Variants in NCOA4 observed in about 807,000 individuals in gnomAD.
The protein encoded by NCOA4 is 70 kDa AR-activator.
Under a neutral mutation model 69.5 loss-of-function variants are expected in NCOA4, and 31 were observed. The observed-to-expected ratio is 0.45, with a 90% CI of 0.34 to 0.60. The LOEUF (loss-of-function observed/expected upper bound fraction) is 0.60, where lower values mean the gene tolerates loss of function less well. NCOA4 is among the 20% of genes least tolerant of loss of function. The probability of loss-of-function intolerance (pLI) is 0.02; values close to 1 mark genes in which losing one functional copy is unlikely to be tolerated. For synonymous variants in NCOA4, 228 were observed against 252.4 expected (o/e 0.90, Z 0.92); for missense variants, 600 against 719.2 (o/e 0.83, Z 1.90).
At chr10:46,027,280 A>AAG (rs1840213297) in intron 1 of NCOA4, among the ~76,000 whole-genome samples, 1 of 151,892 alleles carries the variant, frequency 6.6e-6, no homozygotes, top group South Asian at 2.1e-4. Context: ...AAAAAAAAAA[A>AAG]AAAAAAAAGA....
At position 46,014,436 on chromosome 10, in the gene NCOA4, T is replaced by C; in HGVS notation, c.480+8A>G. 1 of 1,582,264 alleles carries C rather than the reference T, an allele frequency of 6.3e-7. No individual in the cohort carries two copies. Among genetic ancestry groups the C allele is most frequent in the Non-Finnish European group, 8.7e-7 (1 of 1,152,388 alleles). On this transcript the variant is annotated splice_region_variant and intron_variant, in intron 5 of 9. Transcript: ENST00000581486. ...GAAGTGCCCAGTGAAGCATATGAGA[T>C]TACTCACAATGGTTTTGAGAGACCC...
intron 5 of NCOA4, among the ~76,000 whole-genome samples, chr10:46,014,192 T>C (rs1357488414): frequency 6.6e-6 from 1 of 152,140 alleles, no homozygotes; most frequent in Non-Finnish European, 1.5e-5. Flanking sequence ...TTTTTTTGTA[T>C]TTTTAATAGA....
intron 9 of NCOA4, among the ~76,000 whole-genome samples, chr10:46,008,316 T>C (rs1197913203): frequency 6.6e-6 from 1 of 152,340 alleles, no homozygotes; most frequent in African/African-American, 2.4e-5. Context: ...TTCACCATTC[T>C]GGGTGCCACT....
intron 1 of NCOA4, among the ~76,000 whole-genome samples, chr10:46,023,797 CCCTA>C (rs1840026853): frequency 6.6e-6 from 1 of 152,216 alleles, no homozygotes; most frequent in Non-Finnish European, 1.5e-5. Flanking sequence ...GGCAATATAG[CCCTA>C]CCTACCTGTG....
At chr10:46,020,585 A>G (rs991224983) in intron 1 of NCOA4, among the ~76,000 whole-genome samples, 4 of 152,216 alleles carry the variant, frequency 2.6e-5, no homozygotes, top group Admixed American at 6.5e-5. Context: ...TATGTGAGGA[A>G]TATAGACTCA....
Position 46,006,089 on chromosome 10 carries a change from AT to A in NCOA4, c.*502del. On this transcript the variant is annotated 3_prime_UTR_variant, in exon 10 of 10. Transcript: ENST00000581486. ...TTGGTAATCACTATTGACCAGGTTA[AT>A]TTTTTTGTGCAAAATACACTATGTA... 1.4e-5 allele frequency: 3 copies of A among 213,158 alleles called. No individual in the cohort carries two copies. The highest frequency in any genetic ancestry group is 2.8e-5 in the Non-Finnish European group (3 of 105,516). 13.2% of individuals were successfully genotyped at this position (213,158 alleles called of 1,614,324 possible). A position where few individuals can be genotyped will look rare whatever the true frequency, so the allele number is the denominator to read the frequency against.
rs78149703 is a variant in NCOA4 at position 46,029,895 on chromosome 10, G to A, written c.-15+631C>T. 2.8e-3 allele frequency among the ~76,000 whole-genome samples: 420 copies of A among 152,246 alleles called. 2 individuals carry two copies. Among genetic ancestry groups the A allele is most frequent in the African/African-American group, 9.7e-3 (401 of 41,528 alleles). On this transcript the variant is annotated intron_variant, in intron 1 of 9. Coordinates refer to ENST00000581486, the MANE Select transcript of NCOA4 (RefSeq NM_001145263.2). Reference sequence around the variant, plus strand: ...CCAAATAAATGATTGCTGGTGGAATGAACCAATGAATGAGCAAGCCTTACT... The same window carrying A: ...CCAAATAAATGATTGCTGGTGGAATAAACCAATGAATGAGCAAGCCTTACT...
Position 46,010,210 on chromosome 10 carries a change from T to C in NCOA4, c.1698+13A>G. On this transcript the variant is annotated intron_variant, in intron 8 of 9. Coordinates refer to ENST00000581486, the MANE Select transcript of NCOA4 (RefSeq NM_001145263.2). ...AAAACTCAAACCAGTGCTATTTTGA[T>C]GTTTATGCTCACCTGGGCCTTCTTT... 6.3e-7 allele frequency: 1 copy of C among 1,578,536 alleles called. No homozygotes were observed. The highest frequency in any genetic ancestry group is 8.6e-7 in the Non-Finnish European group (1 of 1,168,400).
intron 6 of NCOA4, 98 bp downstream of exon 6, chr10:46,013,452 T>G: frequency 1.1e-6 from 1 of 873,896 alleles, no homozygotes; most frequent in African/African-American, 1.7e-5. Context: ...CACTGGTGCC[T>G]TTTTACAAAT....
intron 7 of NCOA4, among the ~76,000 whole-genome samples, chr10:46,012,588 T>C (rs1390590559): frequency 2.0e-5 from 3 of 151,862 alleles, no homozygotes; most frequent in Non-Finnish European, 2.9e-5. Context: ...TTTTAAAATA[T>C]GTATGTATAG....
intron 9 of NCOA4, among the ~76,000 whole-genome samples, chr10:46,007,800 G>A (rs573944101): frequency 2.0e-5 from 3 of 151,996 alleles, no homozygotes; most frequent in Middle Eastern, 6.8e-3. Context: ...TGTTGCCCAG[G>A]CTGGTGTTAA....
chr10:46,011,961 T>C (rs2132326057), intron 7 of NCOA4, among the ~76,000 whole-genome samples: 1 of 149,502 alleles, frequency 6.7e-6, no homozygotes, highest in South Asian at 2.1e-4. Flanking sequence ...CTCAGGAGGC[T>C]GAGGCAGGAG....
intron 1 of NCOA4, among the ~76,000 whole-genome samples, chr10:46,021,333 A>G (rs548275231): frequency 6.6e-6 from 1 of 152,312 alleles, no homozygotes; most frequent in Admixed American, 6.5e-5. Flanking sequence ...CATCTCTTTA[A>G]TATAACACTC....
At chr10:46,023,431 C>G (rs1840002256) in intron 1 of NCOA4, 1 of 985,728 alleles carries the variant, frequency 1.0e-6, no homozygotes, top group East Asian at 1.1e-4. Context: ...CCTCGTCCCG[C>G]CCACGCGTCA....
chr10:46,009,384 A>T (rs782046172), intron 9 of NCOA4, 27 bp downstream of exon 9: 1 of 1,595,708 alleles, frequency 6.3e-7, no homozygotes, highest in Admixed American at 1.8e-5. Flanking sequence ...CTATAATCTA[A>T]TTTTCATGCT....
Position 46,016,563 on chromosome 10 carries a change from G to T in NCOA4, c.118C>A (p.Gln40Lys). The T allele has an allele frequency of 6.5e-7, 1 of 1,528,398 alleles. No homozygotes were observed. Among genetic ancestry groups the T allele is most frequent in the Non-Finnish European group, 8.9e-7 (1 of 1,129,242 alleles). 94.7% of individuals were successfully genotyped at this position (1,528,398 alleles called of 1,614,324 possible). ...AIGGVLRAEQ[Q>K]IKDNLREVKA... ...ACCTCTCGCAAGTTATCTTTAATTT[G>T]CTGTTCAGCCCGGAGAACTCCACCA... The change falls in exon 2 of 10, where the codon CAA (glutamine) becomes AAA (lysine). Residue 40 changes from glutamine (Q) to lysine (K), a missense_variant. Coordinates refer to ENST00000581486, the MANE Select transcript of NCOA4 (RefSeq NM_001145263.2).
At chr10:46,007,195 G>T (rs1428545793) in intron 9 of NCOA4, among the ~76,000 whole-genome samples, 1 of 152,138 alleles carries the variant, frequency 6.6e-6, no homozygotes, top group Non-Finnish European at 1.5e-5. Context: ...AGTTTTAGTG[G>T]TCTCTATAGG....
rs78937603 is a variant in NCOA4, at chr10:46,015,355, G to T, written c.142-89C>A. ...TAGTGAGTTTCTAAAACTTTTTTTGGGGGGGTGGGGTTGGGGGGACCACAA... is the reference window on the plus strand; with the variant it reads ...TAGTGAGTTTCTAAAACTTTTTTTGTGGGGGTGGGGTTGGGGGGACCACAA... On this transcript the variant is annotated intron_variant, in intron 2 of 9. Coordinates refer to ENST00000581486, the MANE Select transcript of NCOA4 (RefSeq NM_001145263.2). 6 of 904,874 alleles carry T rather than the reference G, an allele frequency of 6.6e-6. 1 individual carries two copies. The highest frequency in any genetic ancestry group is 1.6e-5 in the South Asian group (1 of 64,512). The allele number at this position is 904,874 out of a possible 1,614,324, so 56.1% of individuals were successfully genotyped here. A position where few individuals can be genotyped will look rare whatever the true frequency, so the allele number is the denominator to read the frequency against.
At chr10:46,030,250 A>G (rs112580532) in intron 1 of NCOA4, among the ~76,000 whole-genome samples, 1 of 151,888 alleles carries the variant, frequency 6.6e-6, no homozygotes, top group Non-Finnish European at 1.5e-5. Flanking sequence ...GCCGGGCACG[A>G]GGAGGGTCGG....
Sources: gnomAD v4.1 joint callset for allele counts (sites outside exome capture counted in the v4.1 genomes callset) on GRCh38, gnomAD v4.1.1 for gene constraint, MANE v1.5 for transcripts, NCBI Gene and HGNC (gene_info 2026-07-23, HGNC 2026-07-21) for gene names.